The following CACNA2D3 variants were observed in gnomAD, a reference collection of about 807,000 sequenced individuals.
CACNA2D3 encodes the protein voltage-dependent calcium channel subunit alpha-2/delta-3.
CACNA2D3 carries 60 observed loss-of-function variants against 160.6 expected under a neutral mutation model. That is an observed-to-expected ratio of 0.37 (90% CI 0.30 to 0.46). The LOEUF (loss-of-function observed/expected upper bound fraction) is 0.46. CACNA2D3 is among the 20% of genes least tolerant of loss of function. The pLI is 1.00. For missense variants in CACNA2D3, 1,205 were observed against 1,365.0 expected, an observed-to-expected ratio of 0.88 and a Z score of 1.85; for synonymous variants, 558 against 492.9, an observed-to-expected ratio of 1.13 and a Z score of -1.75.
chr3:54,710,876 A>G (rs1700940306), intron 11 of CACNA2D3, among the ~76,000 whole-genome samples: 1 of 152,186 alleles, frequency 6.6e-6, no homozygotes, highest in African/African-American at 2.4e-5. Flanking sequence ...TATTTAATTA[A>G]ATCTCCTTAC....
chr3:54,664,079 A>G (rs889080062), intron 11 of CACNA2D3, among the ~76,000 whole-genome samples: 2 of 152,246 alleles, frequency 1.3e-5, no homozygotes, highest in East Asian at 3.8e-4. Context: ...CATTAACTCC[A>G]GCTGTGCTGA....
At chr3:54,639,955 G>C (rs1156317954) in intron 10 of CACNA2D3, 1 of 153,956 alleles carries the variant, frequency 6.5e-6, no homozygotes, top group Non-Finnish European at 1.4e-5. Flanking sequence ...GGAGCGGGGG[G>C]TCGCAAGGTG....
chr3:54,794,967 A>G (rs1230431191), intron 13 of CACNA2D3, among the ~76,000 whole-genome samples: 1 of 152,050 alleles, frequency 6.6e-6, no homozygotes, highest in East Asian at 1.9e-4. Context: ...TTTAGTCATT[A>G]TTTCTTCAGA....
intron 8 of CACNA2D3, among the ~76,000 whole-genome samples, chr3:54,581,458 T>C (rs747571129): frequency 3.3e-5 from 5 of 152,184 alleles, no homozygotes; most frequent in Non-Finnish European, 5.9e-5. Context: ...TGGGGTGCTC[T>C]TCAGCTCCCA....
intron 11 of CACNA2D3, among the ~76,000 whole-genome samples, chr3:54,682,547 G>A (rs982445549): frequency 1.3e-5 from 2 of 152,046 alleles, no homozygotes; most frequent in African/African-American, 4.8e-5. Flanking sequence ...AATCGCTTGA[G>A]CTGCAGTGAG....
rs548233026 is a variant in CACNA2D3, at chr3:54,252,100, G to GTTTTTTTTTTTTTTTTTTTTTT, written c.205-68328_205-68327insTTTTTTTTTTTTTTTTTTTTTT. Among the ~76,000 whole-genome samples the GTTTTTTTTTTTTTTTTTTTTTT allele has an allele frequency of 1.1e-4, 13 of 120,976 alleles. 2 individuals are homozygous for GTTTTTTTTTTTTTTTTTTTTTT. The highest frequency in any genetic ancestry group is 4.6e-4 in the East Asian group (2 of 4,352). 79.4% of individuals were successfully genotyped at this position (120,976 alleles called of 152,430 possible). ...TCCAATTTCTCTTTTTGCAGAGCTA[G>GTTTTTTTTTTTTTTTTTTTTTT]TTTTTTTTTTTTTTGTACGATACTC... On this transcript the variant is annotated intron_variant, in intron 2 of 37. Transcript: ENST00000474759.
In CACNA2D3 at chr3:54,737,182, ATGTGTGTGTGTGTGTGTG is replaced by A. The variant is rs4025817; in HGVS notation, c.1168-15395_1168-15378del. ...TCATGAAGCTTATATCCATGTGTATATGTGTGTGTGTGTGTGTGTGTGTGTGTGTGTGTGTGTGTAGGG... is the reference window on the plus strand; with the variant it reads ...TCATGAAGCTTATATCCATGTGTATATGTGTGTGTGTGTGTGTGTGTAGGG... On this transcript the variant is annotated intron_variant, in intron 11 of 37. Transcript: ENST00000474759. 4.1e-5 allele frequency among the ~76,000 whole-genome samples: 6 copies of A among 147,490 alleles called. No individual in the cohort carries two copies. In the East Asian group the frequency reaches 1.2e-3, roughly 29 times the overall value.
At position 54,891,347 on chromosome 3, in the gene CACNA2D3, T is replaced by G. The variant is rs758743873; in HGVS notation, c.2151-8T>G. On this transcript the variant is annotated splice_region_variant and splice_polypyrimidine_tract_variant and intron_variant, in intron 24 of 37. Coordinates refer to ENST00000474759, the MANE Select transcript of CACNA2D3 (RefSeq NM_018398.3). ...GGCCTCCCCCTGACGTCTGTTGTTC[T>G]GTTTCAGAAATTCTGACAAGGGCGT... 4 of 1,610,662 alleles carry G rather than the reference T, an allele frequency of 2.5e-6. No individual in the cohort carries two copies. The Admixed American group carries it at 6.7e-5, about 27-fold the overall frequency.
At chr3:54,514,834 A>C (rs1453589174) in intron 5 of CACNA2D3, among the ~76,000 whole-genome samples, 1 of 152,214 alleles carries the variant, frequency 6.6e-6, no homozygotes, top group Non-Finnish European at 1.5e-5. Context: ...GCTATTGGTA[A>C]GTAGTCCTTC....
chr3:54,405,971 G>A (rs760304716), intron 4 of CACNA2D3, among the ~76,000 whole-genome samples: 2 of 152,038 alleles, frequency 1.3e-5, no homozygotes, highest in Non-Finnish European at 2.9e-5. Flanking sequence ...CTAATCATCA[G>A]AGAAATACAA....
chr3:54,793,179 A>G (rs961309012), intron 13 of CACNA2D3, among the ~76,000 whole-genome samples: 1 of 152,222 alleles, frequency 6.6e-6, no homozygotes, highest in Admixed American at 6.5e-5. Flanking sequence ...CATCTCAACC[A>G]TCCAAAGTTC....
intron 3 of CACNA2D3, among the ~76,000 whole-genome samples, chr3:54,364,001 G>T: frequency 6.6e-6 from 1 of 152,148 alleles, no homozygotes; most frequent in South Asian, 2.1e-4. Context: ...TATCTGAAGA[G>T]ACCGACTCGG....
intron 9 of CACNA2D3, among the ~76,000 whole-genome samples, chr3:54,614,985 T>A (rs916307044): frequency 1.3e-5 from 2 of 152,090 alleles, no homozygotes; most frequent in African/African-American, 4.8e-5. Flanking sequence ...GTGTGGGAGA[T>A]CCTCATTGAT....
In CACNA2D3 at chr3:54,625,894, C is replaced by CA. The variant is rs1228948052; in HGVS notation, c.964-1892dup. Reference sequence around the variant, plus strand: ...CCGTGATCATTTTGGGGGTCCTAAGCAGTGTGGCCAATTAGACACATCATG... The same window carrying CA: ...CCGTGATCATTTTGGGGGTCCTAAGCAAGTGTGGCCAATTAGACACATCATG... On this transcript the variant is annotated intron_variant, in intron 9 of 37. Transcript: ENST00000474759. Among the ~76,000 whole-genome samples the CA allele has an allele frequency of 2.0e-5, 3 of 152,286 alleles. No homozygotes were observed. In the East Asian group the frequency reaches 5.8e-4, roughly 29 times the overall value.
chr3:54,820,139 G>A (rs74666808), intron 14 of CACNA2D3, among the ~76,000 whole-genome samples: 2 of 152,086 alleles, frequency 1.3e-5, no homozygotes, highest in Admixed American at 6.6e-5. Flanking sequence ...GGTCATGAGC[G>A]CATACGTTGT....
chr3:54,492,860 T>C (rs927152665), intron 4 of CACNA2D3, among the ~76,000 whole-genome samples: 1 of 152,152 alleles, frequency 6.6e-6, no homozygotes, highest in African/African-American at 2.4e-5. Flanking sequence ...GCTCGTTCTC[T>C]GGACATGCTG....
chr3:54,957,082 A>G (rs565888132), intron 27 of CACNA2D3, among the ~76,000 whole-genome samples: 12 of 152,226 alleles, frequency 7.9e-5, no homozygotes, highest in Non-Finnish European at 1.3e-4. Context: ...AGAGGGCTTC[A>G]TAAATGGGAT....
At chr3:55,069,562 G>GT (rs1448682904) in intron 35 of CACNA2D3, among the ~76,000 whole-genome samples, 1 of 152,104 alleles carries the variant, frequency 6.6e-6, no homozygotes, top group East Asian at 1.9e-4. Context: ...TCAGGCTGTG[G>GT]TTTTATATGC....
intron 16 of CACNA2D3, among the ~76,000 whole-genome samples, chr3:54,845,461 T>C (rs1237519806): frequency 6.6e-6 from 1 of 152,324 alleles, no homozygotes; most frequent in East Asian, 1.9e-4. Flanking sequence ...TCTTCTCCCC[T>C]TTCACTGCTC....
Sources: allele counts gnomAD v4.1 joint callset (sites outside exome capture counted in the v4.1 genomes callset), GRCh38; gene constraint gnomAD v4.1.1; transcripts MANE v1.5; gene names NCBI Gene and HGNC (gene_info 2026-07-23, HGNC 2026-07-21).